The following RNF220 variants were observed in gnomAD, a reference collection of about 807,000 sequenced individuals.
The protein encoded by RNF220 is E3 ubiquitin-protein ligase RNF220.
A neutral mutation model predicts 67.1 loss-of-function variants in RNF220; 7 were observed. The observed-to-expected ratio is 0.10, with a 90% CI of 0.06 to 0.20. The LOEUF is 0.20. Ranked by LOEUF, RNF220 falls within the 10% of genes least tolerant of loss-of-function variation. The pLI is 1.00. For synonymous variants in RNF220, 270 were observed against 283.2 expected (o/e 0.95, Z 0.47); for missense variants, 565 against 740.3 (o/e 0.76, Z 2.75).
intron 2 of RNF220, among the ~76,000 whole-genome samples, chr1:44,544,929 G>C (rs1400935747): frequency 6.6e-6 from 1 of 152,242 alleles, no homozygotes; most frequent in Non-Finnish European, 1.5e-5. Context: ...ACAGGAAAAT[G>C]GTGAGAAGAT....
intron 2 of RNF220, among the ~76,000 whole-genome samples, chr1:44,542,378 A>G (rs1166976923): frequency 6.6e-6 from 1 of 152,186 alleles, no homozygotes; most frequent in Admixed American, 6.5e-5. Context: ...CTGAGCCTTG[A>G]GTGACTAGCC....
At position 44,565,374 on chromosome 1, in the gene RNF220, C is replaced by T. The variant is rs1663918708; in HGVS notation, c.626-48791C>T. Among the ~76,000 whole-genome samples, 2 of 152,116 alleles carry T rather than the reference C, an allele frequency of 1.3e-5. No homozygotes were observed. Among genetic ancestry groups the T allele is most frequent in the African/African-American group, 4.8e-5 (2 of 41,418 alleles). On this transcript the variant is annotated intron_variant, in intron 2 of 14. Transcript: ENST00000361799. The surrounding 1 kb of genome is among the most constrained non-coding windows in gnomAD (Gnocchi z 4.2). ...AGAGGTGAATTATCAGAGGGACCAC[C>T]ATGGGTCGGGCAAGCACCTCAGCCA...
At chr1:44,476,935 G>T (rs1655351688) in intron 2 of RNF220, among the ~76,000 whole-genome samples, 2 of 152,190 alleles carry the variant, frequency 1.3e-5, no homozygotes, top group African/African-American at 2.4e-5. Flanking sequence ...AGCAAGCAGG[G>T]AAAGTGTAAG....
chr1:44,566,679 G>A (rs1302131986), intron 2 of RNF220, among the ~76,000 whole-genome samples: 2 of 130,944 alleles, frequency 1.5e-5, no homozygotes, highest in Non-Finnish European at 3.7e-5. Context: ...AGACAGTAGG[G>A]GGCCTGGTGC....
chr1:44,462,552 A>G (rs1191053199), intron 2 of RNF220, among the ~76,000 whole-genome samples: 1 of 152,228 alleles, frequency 6.6e-6, no homozygotes, highest in African/African-American at 2.4e-5. Flanking sequence ...AATCCTTGAC[A>G]TTTATATAAC....
intron 2 of RNF220, among the ~76,000 whole-genome samples, chr1:44,501,237 G>C (rs1313705601): frequency 6.6e-6 from 1 of 151,822 alleles, no homozygotes; most frequent in Non-Finnish European, 1.5e-5. Context: ...GGGTGTGGGG[G>C]GGTGACCAGC....
chr1:44,514,357 G>C (rs180693654), intron 2 of RNF220, among the ~76,000 whole-genome samples: 3 of 152,206 alleles, frequency 2.0e-5, no homozygotes, highest in Non-Finnish European at 4.4e-5. Context: ...CGTCTAACTA[G>C]ACAATACTAG....
At chr1:44,569,101 C>T (rs1163113357) in intron 2 of RNF220, among the ~76,000 whole-genome samples, 11 of 152,136 alleles carry the variant, frequency 7.2e-5, no homozygotes, top group African/African-American at 9.7e-5. Flanking sequence ...ACTTCACTTG[C>T]GGGCAGTCTG....
chr1:44,650,006 C>T lies in RNF220; in HGVS notation c.1629+49C>T, dbSNP rs1644748205. 2.5e-6 allele frequency: 4 copies of T among 1,581,012 alleles called. No homozygotes were observed. Among genetic ancestry groups the T allele is most frequent in the Non-Finnish European group, 3.5e-6 (4 of 1,156,870 alleles). On this transcript the variant is annotated intron_variant, in intron 14 of 14. Transcript: ENST00000361799. The surrounding 1 kb of genome is among the most constrained non-coding windows in gnomAD (Gnocchi z 4.3). Reference sequence around the variant, plus strand: ...AATGGGAGGCCGCTCCGGGCACTGCCCAGATGTCTGTGCTTATGCCTGAGC... The same window carrying T: ...AATGGGAGGCCGCTCCGGGCACTGCTCAGATGTCTGTGCTTATGCCTGAGC...
chr1:44,590,274 C>T (rs270719), intron 2 of RNF220, among the ~76,000 whole-genome samples: 39,507 of 152,106 alleles, frequency 0.26, 5,378 homozygotes, highest in East Asian at 0.4. Context: ...AGCTGGGCAG[C>T]CCAAGCCCTG....
chr1:44,554,698 G>A (rs1053057282), intron 2 of RNF220, among the ~76,000 whole-genome samples: 6 of 152,168 alleles, frequency 3.9e-5, no homozygotes, highest in Non-Finnish European at 7.3e-5. Context: ...CATCAGAGCA[G>A]TTCCTTGCAT....
chr1:44,624,897 C>T lies in RNF220; in HGVS notation c.805-1400C>T, dbSNP rs147251206. 7.1e-4 allele frequency among the ~76,000 whole-genome samples: 108 copies of T among 152,222 alleles called. No homozygotes were observed. The highest frequency in any genetic ancestry group is 1.2e-3 in the Admixed American group (18 of 15,302). On this transcript the variant is annotated intron_variant, in intron 4 of 14. Transcript: ENST00000361799. This position sits in a 1 kb window ranked among gnomAD's most constrained non-coding sequence, Gnocchi z 4.2. ...CAGGCAAAAAGTCATGATTTAATGCCGGGATTTTTTTTCAAAACACATTTT... is the reference window on the plus strand; with the variant it reads ...CAGGCAAAAAGTCATGATTTAATGCTGGGATTTTTTTTCAAAACACATTTT...
chr1:44,452,174 C>G (rs574139242), intron 2 of RNF220, among the ~76,000 whole-genome samples: 2 of 152,214 alleles, frequency 1.3e-5, no homozygotes, highest in African/African-American at 4.8e-5. Flanking sequence ...TTCTGTTCTA[C>G]TCCTTGGATT....
At chr1:44,518,799 C>G (rs964749643) in intron 2 of RNF220, among the ~76,000 whole-genome samples, 1 of 151,648 alleles carries the variant, frequency 6.6e-6, no homozygotes, top group Non-Finnish European at 1.5e-5. Context: ...GGCGTGAACC[C>G]GGGAGGCAGA....
intron 5 of RNF220, among the ~76,000 whole-genome samples, chr1:44,631,314 G>A (rs1644111005): frequency 6.6e-6 from 1 of 152,232 alleles, no homozygotes; most frequent in East Asian, 1.9e-4. Flanking sequence ...GAAAATTAGC[G>A]ACCTTTCAAT....
intron 6 of RNF220, among the ~76,000 whole-genome samples, chr1:44,633,281 C>T (rs1644223465): frequency 6.6e-6 from 1 of 152,166 alleles, no homozygotes. Flanking sequence ...AGAAAACAGG[C>T]TCTGAGAGGT....
intron 2 of RNF220, among the ~76,000 whole-genome samples, chr1:44,594,000 G>A (rs779481786): frequency 2.0e-5 from 3 of 151,654 alleles, no homozygotes; most frequent in South Asian, 2.1e-4. Context: ...CAGGAGAATC[G>A]CTTGAGCCTG....
rs1178145057 is a variant in RNF220 at position 44,600,270 on chromosome 1, A to G, written c.626-13895A>G. 1.3e-5 allele frequency among the ~76,000 whole-genome samples: 2 copies of G among 152,300 alleles called. No individual in the cohort carries two copies. Among genetic ancestry groups the G allele is most frequent in the Admixed American group, 1.3e-4 (2 of 15,290 alleles). ...CAGAGCATCTTCTACGCAGTGTTGT[A>G]CGTGGCTCAGATTGGAGGTACAGGC... On this transcript the variant is annotated intron_variant, in intron 2 of 14. Transcript: ENST00000361799. The surrounding 1 kb of genome is among the most constrained non-coding windows in gnomAD (Gnocchi z 4.0).
intron 2 of RNF220, among the ~76,000 whole-genome samples, chr1:44,436,126 T>G (rs1650943407): frequency 6.6e-6 from 1 of 151,996 alleles, no homozygotes; most frequent in Non-Finnish European, 1.5e-5. Flanking sequence ...CACTTTTCTC[T>G]GCAAAAGCTC....
Sources: gnomAD v4.1 joint callset for allele counts (sites outside exome capture counted in the v4.1 genomes callset) on GRCh38, gnomAD v4.1.1 for gene constraint, Gnocchi (gnomAD v3.1) non-coding constraint, MANE v1.5 for transcripts, NCBI Gene and HGNC (gene_info 2026-07-23, HGNC 2026-07-21) for gene names.